The following CALCRL variants were observed in gnomAD, a reference collection of about 807,000 sequenced individuals.
The protein encoded by CALCRL is calcitonin gene-related peptide type 1 receptor.
Under a neutral mutation model 60.4 loss-of-function variants are expected in CALCRL, and 27 were observed. The ratio of observed to expected loss-of-function variants is 0.45; its 90% CI spans 0.33 to 0.62. The LOEUF is 0.62. Ranked by LOEUF, CALCRL falls within the 20% of genes least tolerant of loss-of-function variation. CALCRL has a pLI of 0.03. For synonymous variants in CALCRL, 190 were observed against 182.6 expected (o/e 1.04, Z -0.33); for missense variants, 424 against 540.7 (o/e 0.78, Z 2.14).
chr2:187,381,048 AT>A (rs1473488989), intron 5 of CALCRL, among the ~76,000 whole-genome samples: 2 of 152,178 alleles, frequency 1.3e-5, no homozygotes, highest in Non-Finnish European at 2.9e-5. Context: ...AAAGGTAGCT[AT>A]TTGTTTAATA....
chr2:187,402,339 A>T (rs1465937520), intron 1 of CALCRL, among the ~76,000 whole-genome samples: 1 of 151,750 alleles, frequency 6.6e-6, no homozygotes, highest in Non-Finnish European at 1.5e-5. Context: ...GTAATAAAGT[A>T]TTATAGGTAC....
In CALCRL at chr2:187,382,186, A is replaced by C. The variant is rs891337409; in HGVS notation, c.184+987T>G. Among the ~76,000 whole-genome samples, 3 of 152,292 alleles carry C rather than the reference A, an allele frequency of 2.0e-5. No homozygotes were observed. The South Asian group carries it at 6.2e-4, about 32-fold the overall frequency. Reference sequence around the variant, plus strand: ...TTGTGTTTTATGGCATTTGAGTTAGATCTAAGTAGGTATTCCATGAAAAAA... The same window carrying C: ...TTGTGTTTTATGGCATTTGAGTTAGCTCTAAGTAGGTATTCCATGAAAAAA... On this transcript the variant is annotated intron_variant, in intron 5 of 14. Transcript: ENST00000392370.
intron 1 of CALCRL, among the ~76,000 whole-genome samples, chr2:187,435,009 C>T (rs1690571192): frequency 2.0e-5 from 3 of 152,138 alleles, no homozygotes; most frequent in African/African-American, 7.2e-5. Flanking sequence ...TGAGAATGTC[C>T]ATGTGAGTCA....
At chr2:187,410,579 G>C (rs2105846397) in intron 1 of CALCRL, among the ~76,000 whole-genome samples, 2 of 152,330 alleles carry the variant, frequency 1.3e-5, no homozygotes, top group South Asian at 4.1e-4. Context: ...CAGAAGGTTT[G>C]AAAGCCTGTT....
intron 1 of CALCRL, chr2:187,415,659 T>G (rs1313798497): frequency 8.1e-6 from 5 of 618,594 alleles, no homozygotes; most frequent in Non-Finnish European, 1.2e-5. Context: ...TCAAGGACAT[T>G]CTGGGCTACA....
chr2:187,377,012 A>C (rs891977423), intron 8 of CALCRL, among the ~76,000 whole-genome samples: 29 of 152,216 alleles, frequency 1.9e-4, no homozygotes, highest in African/African-American at 6.3e-4. Context: ...TAATTCGGGA[A>C]GATTTCACTG....
At chr2:187,356,311 T>C (rs1328549852) in intron 12 of CALCRL, among the ~76,000 whole-genome samples, 1 of 152,102 alleles carries the variant, frequency 6.6e-6, no homozygotes. Flanking sequence ...AACAGATACA[T>C]AGACCAATTA....
intron 1 of CALCRL, among the ~76,000 whole-genome samples, chr2:187,391,416 C>A (rs1332001634): frequency 6.6e-6 from 1 of 152,026 alleles, no homozygotes; most frequent in East Asian, 1.9e-4. Context: ...ACAGACCAAG[C>A]AAATAATGAA....
intron 1 of CALCRL, among the ~76,000 whole-genome samples, chr2:187,405,960 GGTGT>G (rs3079520): frequency 0.31 from 44,670 of 146,236 alleles, 6,728 homozygotes; most frequent in Middle Eastern, 0.42. Context: ...TGTATGTAGG[GGTGT>G]GTGTGTGTGT....
chr2:187,433,565 A>G (rs554795446), intron 1 of CALCRL, among the ~76,000 whole-genome samples: 2 of 152,216 alleles, frequency 1.3e-5, no homozygotes, highest in South Asian at 4.1e-4. Flanking sequence ...GTGAAAGATA[A>G]AAATACCTAG....
intron 1 of CALCRL, among the ~76,000 whole-genome samples, chr2:187,392,800 C>G (rs1383894772): frequency 1.3e-5 from 2 of 152,026 alleles, no homozygotes; most frequent in Non-Finnish European, 2.9e-5. Context: ...AACTCCTAGT[C>G]TCAAGTAATC....
intron 1 of CALCRL, among the ~76,000 whole-genome samples, chr2:187,438,797 A>G (rs1690765277): frequency 6.6e-6 from 1 of 152,224 alleles, no homozygotes; most frequent in Non-Finnish European, 1.5e-5. Context: ...AACACTAAGT[A>G]TATTACAGGA....
At position 187,356,502 on chromosome 2, in the gene CALCRL, A is replaced by C. The variant is rs187754624; in HGVS notation, c.909+2561T>G. On this transcript the variant is annotated intron_variant, in intron 12 of 14. Coordinates refer to ENST00000392370, the MANE Select transcript of CALCRL (RefSeq NM_005795.6). ...TTTCTTTATACCTTATACAAAAAAT[A>C]ACTCAAGATGCATGAAAGACTTAAA... Among the ~76,000 whole-genome samples the C allele has an allele frequency of 3.3e-5, 5 of 152,326 alleles. No individual in the cohort carries two copies. In the East Asian group the frequency reaches 9.6e-4, roughly 29 times the overall value.
At chr2:187,407,306 A>G (rs1475319209) in intron 1 of CALCRL, among the ~76,000 whole-genome samples, 2 of 152,124 alleles carry the variant, frequency 1.3e-5, no homozygotes, top group Non-Finnish European at 2.9e-5. Flanking sequence ...TACTTTACGA[A>G]GTCTGATCAC....
rs1204182908 is a variant in CALCRL, at chr2:187,414,880, TTTTTTTTTTAAAAAAAAAAAGGTAGTCTC to T, written c.-292-27153_-292-27125del. ...GAGCTGTGCCACCAGAAAATTATTT[TTTTTTTTTTAAAAAAAAAAAGGTAGTCTC>T]TTTTTTTTTCAAATGTTTTTCCCCC... is the stretch of plus-strand genomic sequence containing the variant. On this transcript the variant is annotated intron_variant, in intron 1 of 14. Coordinates refer to ENST00000392370, the MANE Select transcript of CALCRL (RefSeq NM_005795.6). Among the ~76,000 whole-genome samples the T allele has an allele frequency of 3.9e-3, 13 of 3,324 alleles. No individual in the cohort carries two copies. The East Asian group carries it at 0.057, about 14-fold the overall frequency. The allele number at this position is 3,324 out of a possible 152,430, so 2.2% of individuals were successfully genotyped here. A position where few individuals can be genotyped will look rare whatever the true frequency, so the allele number is the denominator to read the frequency against.
intron 1 of CALCRL, chr2:187,441,892 T>C (rs1005829395): frequency 2.0e-5 from 3 of 151,510 alleles, no homozygotes; most frequent in African/African-American, 4.8e-5. Context: ...AAAAGACAGA[T>C]GGAAAATTAC....
chr2:187,444,041 T>C (rs1258842730), intron 1 of CALCRL, among the ~76,000 whole-genome samples: 2 of 151,648 alleles, frequency 1.3e-5, no homozygotes, highest in Non-Finnish European at 3.0e-5. Context: ...TCCATGTGAC[T>C]GCACTGTAAG....
intron 1 of CALCRL, among the ~76,000 whole-genome samples, chr2:187,432,915 T>C (rs1188987469): frequency 5.3e-5 from 8 of 152,082 alleles, no homozygotes; most frequent in Non-Finnish European, 1.0e-4. Flanking sequence ...AGTACAGTGA[T>C]ACAGATTCGC....
At chr2:187,364,220 C>A (rs1687181267) in intron 8 of CALCRL, among the ~76,000 whole-genome samples, 1 of 152,114 alleles carries the variant, frequency 6.6e-6, no homozygotes, top group Non-Finnish European at 1.5e-5. Flanking sequence ...CTAATGATAA[C>A]TGATGTCACT....
Sources: allele counts gnomAD v4.1 joint callset (sites outside exome capture counted in the v4.1 genomes callset), GRCh38; gene constraint gnomAD v4.1.1; transcripts MANE v1.5; gene names NCBI Gene and HGNC (gene_info 2026-07-23, HGNC 2026-07-21).